The following C3orf70 variants were observed in gnomAD, a reference collection of about 807,000 sequenced individuals.
C3orf70 encodes UPF0524 protein C3orf70.
C3orf70 carries 15 observed loss-of-function variants against 20.7 expected under a neutral mutation model. The ratio of observed to expected loss-of-function variants is 0.72; its 90% confidence interval spans 0.48 to 1.11. C3orf70 has a LOEUF of 1.11. Among genes scored for constraint, C3orf70 ranks in the 50% most tolerant of loss-of-function variants. The pLI is 0.00. For synonymous variants in C3orf70, 161 were observed against 125.7 expected, an observed-to-expected ratio of 1.28 and a Z score of -1.88; for missense variants, 332 against 317.6, an observed-to-expected ratio of 1.05 and a Z score of -0.34.
chr3:185,121,713 A>G (rs1425053938), intron 1 of C3orf70, among the ~76,000 whole-genome samples: 1 of 152,198 alleles, frequency 6.6e-6, no homozygotes. Flanking sequence ...CAATCAAAGA[A>G]AGCCATGATG....
In C3orf70 at chr3:185,080,307, G is replaced by A. The variant is rs575876617; in HGVS notation, c.*2700C>T. 2.6e-5 allele frequency: 4 copies of A among 152,736 alleles called. No individual in the cohort carries two copies. Among genetic ancestry groups the A allele is most frequent in the East Asian group, 3.9e-4 (2 of 5,192 alleles). 9.5% of individuals were successfully genotyped at this position (152,736 alleles called of 1,614,324 possible). A position where few individuals can be genotyped will look rare whatever the true frequency, so the allele number is the denominator to read the frequency against. The stretch of plus-strand genomic sequence containing the variant: ...TAAATCCAAAAATTCCATTAAAATT[G>A]TGTCTAATCAGAATGGCAGTTCAGG... On this transcript the variant is annotated 3_prime_UTR_variant, in exon 2 of 2. Coordinates refer to ENST00000335012, the MANE Select transcript of C3orf70 (RefSeq NM_001025266.3).
chr3:185,142,798 A>T (rs561576250), intron 1 of C3orf70, among the ~76,000 whole-genome samples: 7 of 152,224 alleles, frequency 4.6e-5, no homozygotes, highest in Non-Finnish European at 8.8e-5. Context: ...TGATGCTGTG[A>T]GAAGGGCACA....
chr3:185,106,776 G>T (rs190112819), intron 1 of C3orf70, among the ~76,000 whole-genome samples: 72 of 152,358 alleles, frequency 4.7e-4, no homozygotes, highest in African/African-American at 1.6e-3. Flanking sequence ...AGTTCCAACA[G>T]GGCTCTGTGG....
At chr3:185,114,748 A>G (rs1304819374) in intron 1 of C3orf70, among the ~76,000 whole-genome samples, 1 of 152,254 alleles carries the variant, frequency 6.6e-6, no homozygotes, top group African/African-American at 2.4e-5. Context: ...ATTTTAAAAA[A>G]GAAGGAAAAT....
chr3:185,145,112 G>A (rs1372542546), intron 1 of C3orf70, among the ~76,000 whole-genome samples: 1 of 152,176 alleles, frequency 6.6e-6, no homozygotes, highest in Non-Finnish European at 1.5e-5. Context: ...GACAACTTCT[G>A]GTTGCCGAAG....
At chr3:185,112,244 C>G (rs58745392) in intron 1 of C3orf70, among the ~76,000 whole-genome samples, 7,897 of 152,186 alleles carry the variant, frequency 0.052, 666 homozygotes, top group African/African-American at 0.18. Context: ...GAGCCAAGAT[C>G]ACACCACTGC....
At chr3:185,140,969 CAAA>C (rs35570209) in intron 1 of C3orf70, among the ~76,000 whole-genome samples, 2 of 136,694 alleles carry the variant, frequency 1.5e-5, no homozygotes, top group Non-Finnish European at 1.5e-5. Context: ...CCCTTGTCAC[CAAA>C]AAAAAAAAAG....
rs374173126 is a variant in C3orf70 at position 185,152,819 on chromosome 3, C to G, written c.5G>C (p.Ser2Thr). The G allele has an allele frequency of 4.5e-6, 7 of 1,548,060 alleles. No homozygotes were observed. The highest frequency in any genetic ancestry group is 6.1e-6 in the Non-Finnish European group (7 of 1,143,240). Residue 2 changes from serine (S) to threonine (T), a missense_variant, in exon 1 of 2, where the codon AGT (serine) becomes ACT (threonine). Physicochemically the swap from Ser to Thr is moderately conservative, Grantham distance 58. Coordinates refer to ENST00000335012, the MANE Select transcript of C3orf70 (RefSeq NM_001025266.3). M[S>T]AAASPASERG... Reference sequence around the variant, plus strand: ...CTCCGACGCCGGCGAGGCCGCCGCACTCATTTCCTCTCCCTCCGCGCGGAG... The same window carrying G: ...CTCCGACGCCGGCGAGGCCGCCGCAGTCATTTCCTCTCCCTCCGCGCGGAG...
At chr3:185,122,473 C>A (rs1447733601) in intron 1 of C3orf70, among the ~76,000 whole-genome samples, 1 of 152,154 alleles carries the variant, frequency 6.6e-6, no homozygotes, top group Admixed American at 6.5e-5. Flanking sequence ...GTCTAAAATC[C>A]TGTAAATCAC....
chr3:185,091,928 T>A lies in C3orf70; in HGVS notation c.197-8365A>T, dbSNP rs867230498. 2.2e-3 allele frequency among the ~76,000 whole-genome samples: 9 copies of A among 4,168 alleles called. 1 individual carries two copies. Among genetic ancestry groups the A allele is most frequent in the African/African-American group, 0.012 (9 of 760 alleles). The allele number at this position is 4,168 out of a possible 152,430, so 2.7% of individuals were successfully genotyped here. A position where few individuals can be genotyped will look rare whatever the true frequency, so the allele number is the denominator to read the frequency against. On this transcript the variant is annotated intron_variant, in intron 1 of 1. Transcript: ENST00000335012. ...ACACACATACATATATATATATATA[T>A]ATATATATATATATATATATATATA...
At chr3:185,148,998 G>C (rs964538556) in intron 1 of C3orf70, among the ~76,000 whole-genome samples, 2 of 152,124 alleles carry the variant, frequency 1.3e-5, no homozygotes, top group Admixed American at 6.5e-5. Flanking sequence ...CCTTTTTCAA[G>C]CATCAGGATA....
chr3:185,144,700 G>C (rs1021021680), intron 1 of C3orf70, among the ~76,000 whole-genome samples: 1 of 118,086 alleles, frequency 8.5e-6, no homozygotes, highest in Non-Finnish European at 1.8e-5. Context: ...TTGAACTCCT[G>C]ACCTCAGGTG....
Position 185,101,553 on chromosome 3 carries a change from G to A in C3orf70, c.197-17990C>T, listed in dbSNP as rs56048805. 6.8e-3 allele frequency among the ~76,000 whole-genome samples: 1,040 copies of A among 152,288 alleles called. 13 individuals carry two copies. Among genetic ancestry groups the A allele is most frequent in the African/African-American group, 0.023 (975 of 41,552 alleles). ...TCATGGTTTTGCAGAATGAACAGGC[G>A]TCTGCTTCTGGGGAGGTCTCAGGAA... On this transcript the variant is annotated intron_variant, in intron 1 of 1. Coordinates refer to ENST00000335012, the MANE Select transcript of C3orf70 (RefSeq NM_001025266.3).
chr3:185,091,233 T>C (rs1424770887), intron 1 of C3orf70, among the ~76,000 whole-genome samples: 1 of 152,008 alleles, frequency 6.6e-6, no homozygotes, highest in Non-Finnish European at 1.5e-5. Flanking sequence ...GATTTTTATA[T>C]GGATATTAGA....
At chr3:185,141,369 C>T (rs966263151) in intron 1 of C3orf70, among the ~76,000 whole-genome samples, 3 of 146,552 alleles carry the variant, frequency 2.0e-5, no homozygotes, top group African/African-American at 7.4e-5. Context: ...AAAAAAAAAA[C>T]GAAACATGTA....
chr3:185,124,386 A>G (rs67060959), intron 1 of C3orf70, among the ~76,000 whole-genome samples: 9,033 of 152,314 alleles, frequency 0.059, 380 homozygotes, highest in South Asian at 0.11. Flanking sequence ...TGGCTAAAAC[A>G]ATTTTGAAAA....
At chr3:185,150,991 C>T (rs1224664749) in intron 1 of C3orf70, among the ~76,000 whole-genome samples, 2 of 152,174 alleles carry the variant, frequency 1.3e-5, no homozygotes, top group Non-Finnish European at 2.9e-5. Flanking sequence ...AGAGAGAAGA[C>T]AGTCCATATG....
intron 1 of C3orf70, among the ~76,000 whole-genome samples, chr3:185,105,288 T>C (rs564458940): frequency 6.6e-6 from 1 of 152,364 alleles, no homozygotes; most frequent in South Asian, 2.1e-4. Context: ...TGTGACATGT[T>C]CATGATGGTC....
chr3:185,091,894 CAT>C (rs1185086065), intron 1 of C3orf70, among the ~76,000 whole-genome samples: 1 of 49,796 alleles, frequency 2.0e-5, no homozygotes, highest in African/African-American at 5.0e-5. Flanking sequence ...TATATACACA[CAT>C]ACACACACAC....
Sources: allele counts gnomAD v4.1 joint callset (sites outside exome capture counted in the v4.1 genomes callset), GRCh38; gene constraint gnomAD v4.1.1; transcripts MANE v1.5; gene names NCBI Gene and HGNC (gene_info 2026-07-23, HGNC 2026-07-21).